PRKAA2: variants seen among roughly 807,000 people sequenced by gnomAD.
PRKAA2 encodes the protein 5'-AMP-activated protein kinase catalytic subunit alpha-2.
PRKAA2 carries 40 observed loss-of-function variants against 56.3 expected under a neutral mutation model. That is an observed-to-expected ratio of 0.71 (90% CI 0.55 to 0.92). The LOEUF (loss-of-function observed/expected upper bound fraction) is 0.92. Among genes scored for constraint, PRKAA2 ranks in the 40% least tolerant of loss-of-function variants. PRKAA2 has a pLI of 0.00. For synonymous variants in PRKAA2, 214 were observed against 234.2 expected (o/e 0.91, Z 0.79); for missense variants, 542 against 686.9 (o/e 0.79, Z 2.36).
chr1:56,702,531 C>T (rs1644303871), intron 6 of PRKAA2, among the ~76,000 whole-genome samples: 2 of 152,286 alleles, frequency 1.3e-5, no homozygotes, highest in African/African-American at 4.8e-5. Context: ...CTTTTTATGG[C>T]CTACAATTCT....
intron 1 of PRKAA2, among the ~76,000 whole-genome samples, chr1:56,665,004 A>G (rs1644024671): frequency 6.6e-6 from 1 of 150,702 alleles, no homozygotes; most frequent in African/African-American, 2.4e-5. Flanking sequence ...CCTTTCCTCA[A>G]TTGCTTTATC....
chr1:56,684,216 T>C (rs1479484786), intron 2 of PRKAA2, among the ~76,000 whole-genome samples: 1 of 151,868 alleles, frequency 6.6e-6, no homozygotes, highest in East Asian at 1.9e-4. Context: ...TGGAGAAGAT[T>C]GTAGGAGGAA....
At chr1:56,706,425 C>G (rs1644332559) in intron 8 of PRKAA2, among the ~76,000 whole-genome samples, 1 of 152,176 alleles carries the variant, frequency 6.6e-6, no homozygotes, top group Non-Finnish European at 1.5e-5. Flanking sequence ...AGAAGTATCT[C>G]CGTGGCGTAA....
chr1:56,689,984 G>A (rs543858965), intron 2 of PRKAA2, among the ~76,000 whole-genome samples: 58 of 149,824 alleles, frequency 3.9e-4, no homozygotes, highest in African/African-American at 7.8e-4. Flanking sequence ...CAAAAGTAAC[G>A]CGGTGAAACC....
At chr1:56,650,110 T>TA (rs1237627688) in intron 1 of PRKAA2, among the ~76,000 whole-genome samples, 4 of 151,580 alleles carry the variant, frequency 2.6e-5, no homozygotes, top group Non-Finnish European at 5.9e-5. Flanking sequence ...AAAAAAGAAA[T>TA]AAAGAAATTT....
At chr1:56,672,337 G>A (rs1318469926) in intron 1 of PRKAA2, among the ~76,000 whole-genome samples, 2 of 152,032 alleles carry the variant, frequency 1.3e-5, no homozygotes, top group African/African-American at 2.4e-5. Flanking sequence ...GGCTGGTCTC[G>A]AACTCCTGGG....
chr1:56,666,107 G>A (rs1470458397), intron 1 of PRKAA2, among the ~76,000 whole-genome samples: 1 of 152,192 alleles, frequency 6.6e-6, no homozygotes, highest in African/African-American at 2.4e-5. Context: ...TTCTAAAGCA[G>A]CAATACTAGT....
intron 1 of PRKAA2, among the ~76,000 whole-genome samples, chr1:56,659,715 C>G (rs1643978617): frequency 2.0e-5 from 3 of 151,822 alleles, no homozygotes; most frequent in Non-Finnish European, 4.4e-5. Context: ...TTGAACCAGC[C>G]TGGACAAAAT....
intron 4 of PRKAA2, among the ~76,000 whole-genome samples, chr1:56,692,985 A>T (rs1644238758): frequency 6.6e-6 from 1 of 152,162 alleles, no homozygotes; most frequent in African/African-American, 2.4e-5. Flanking sequence ...ATTAGAGAAC[A>T]GTTTTTGTCA....
intron 1 of PRKAA2, among the ~76,000 whole-genome samples, chr1:56,658,162 GAAAA>G (rs951780417): frequency 6.6e-6 from 1 of 151,952 alleles, no homozygotes; most frequent in Admixed American, 6.6e-5. Context: ...GGACTCTAGA[GAAAA>G]AAACACAGAT....
chr1:56,690,185 G>A (rs1345927242), intron 2 of PRKAA2, among the ~76,000 whole-genome samples: 3 of 136,434 alleles, frequency 2.2e-5, no homozygotes, highest in Admixed American at 7.6e-5. Flanking sequence ...TTTTTTTGAA[G>A]CGGAGTCTCG....
At chr1:56,690,740 C>T (rs1269967436) in intron 2 of PRKAA2, among the ~76,000 whole-genome samples, 2 of 152,002 alleles carry the variant, frequency 1.3e-5, no homozygotes, top group Non-Finnish European at 2.9e-5. Flanking sequence ...TATCATGTTA[C>T]GTGTCCAGGA....
intron 5 of PRKAA2, among the ~76,000 whole-genome samples, 187 bp from the exon 6 acceptor site, chr1:56,695,748 G>T (rs985391658): frequency 3.3e-5 from 5 of 152,032 alleles, no homozygotes; most frequent in Non-Finnish European, 7.4e-5. Context: ...GGCTTGAATA[G>T]TAGTTGGCTA....
At chr1:56,677,283 CA>C (rs1644120266) in intron 2 of PRKAA2, among the ~76,000 whole-genome samples, 1 of 152,160 alleles carries the variant, frequency 6.6e-6, no homozygotes, top group African/African-American at 2.4e-5. Context: ...TTAACTGAAA[CA>C]GTTAGTCTCT....
rs1024432202 is a variant in PRKAA2, at chr1:56,678,155, T to C, written c.236+3633T>C. On this transcript the variant is annotated intron_variant, in intron 2 of 8. Coordinates refer to ENST00000371244, the MANE Select transcript of PRKAA2 (RefSeq NM_006252.4). ...AGGTGAATTTGCAGTTTAAAACTTT[T>C]GGCTTCCAGCCTTGAGATTAATTCA... Among the ~76,000 whole-genome samples, 6 of 152,388 alleles carry C rather than the reference T, an allele frequency of 3.9e-5. No homozygotes were observed. In the South Asian group the frequency reaches 1.2e-3, roughly 32 times the overall value.
At chr1:56,685,040 A>T (rs1304305033) in intron 2 of PRKAA2, among the ~76,000 whole-genome samples, 3 of 152,198 alleles carry the variant, frequency 2.0e-5, no homozygotes, top group Non-Finnish European at 4.4e-5. Flanking sequence ...TTGAAAGTAT[A>T]TGACCATGGA....
At chr1:56,669,737 GA>G (rs978036185) in intron 1 of PRKAA2, among the ~76,000 whole-genome samples, 8 of 152,022 alleles carry the variant, frequency 5.3e-5, no homozygotes, top group African/African-American at 1.7e-4. Context: ...ACATCTGGTG[GA>G]AAAAAAGTAT....
chr1:56,653,341 G>C (rs947058756), intron 1 of PRKAA2, among the ~76,000 whole-genome samples: 1 of 151,460 alleles, frequency 6.6e-6, no homozygotes. Context: ...TTCATTTGGT[G>C]TAGCCAGTTG....
At chr1:56,692,239 T>C (rs1359755711) in intron 3 of PRKAA2, 119 bp from the exon 4 acceptor site, 5 of 1,168,578 alleles carry the variant, frequency 4.3e-6, no homozygotes, top group Non-Finnish European at 6.2e-6. Context: ...ACCTTATTGG[T>C]CAGGCTGGTC....
Sources: allele counts gnomAD v4.1 joint callset (sites outside exome capture counted in the v4.1 genomes callset), GRCh38; gene constraint gnomAD v4.1.1; transcripts MANE v1.5; gene names NCBI Gene and HGNC (gene_info 2026-07-23, HGNC 2026-07-21).